PIK3C2A: variants seen among roughly 807,000 people sequenced by gnomAD.
PIK3C2A encodes the protein phosphatidylinositol-4-phosphate 3-kinase catalytic subunit type 2 alpha.
Under a neutral mutation model 204.5 loss-of-function variants are expected in PIK3C2A, and 97 were observed. That is an observed-to-expected ratio of 0.47 (90% CI 0.40 to 0.56). The LOEUF (loss-of-function observed/expected upper bound fraction) is 0.56, where lower values mean the gene tolerates loss of function less well. Ranked by LOEUF, PIK3C2A falls within the 20% of genes least tolerant of loss-of-function variation. The probability of loss-of-function intolerance (pLI) is 0.00; values close to 1 mark genes in which losing one functional copy is unlikely to be tolerated. For synonymous variants in PIK3C2A, 653 were observed against 664.4 expected, an observed-to-expected ratio of 0.98 and a Z score of 0.26; for missense variants, 1,735 against 1,969.2, an observed-to-expected ratio of 0.88 and a Z score of 2.25.
intron 8 of PIK3C2A, among the ~76,000 whole-genome samples, chr11:17,144,804 G>A (rs538434065): frequency 7.1e-6 from 1 of 140,938 alleles, no homozygotes; most frequent in African/African-American, 2.6e-5. Context: ...GCTGAGGCAG[G>A]AGAATCATTT....
At chr11:17,119,369 T>C (rs987508595) in intron 16 of PIK3C2A, 56 bp from the exon 17 acceptor site, 19 of 1,039,670 alleles carry the variant, frequency 1.8e-5, no homozygotes, top group Non-Finnish European at 2.9e-5. Context: ...AGTGAAGCTG[T>C]ATTTTTTGAA....
chr11:17,173,448 A>G (rs1197335411), intron 1 of PIK3C2A, among the ~76,000 whole-genome samples: 1 of 152,174 alleles, frequency 6.6e-6, no homozygotes, highest in East Asian at 1.9e-4. Context: ...ACTTGAGGAG[A>G]TAATGCCTAA....
chr11:17,154,268 G>A (rs766644661), intron 3 of PIK3C2A, among the ~76,000 whole-genome samples: 1 of 152,030 alleles, frequency 6.6e-6, no homozygotes, highest in Non-Finnish European at 1.5e-5. Flanking sequence ...GCCTGTCTGG[G>A]GAGAGTAACC....
chr11:17,198,996 G>A (rs936543204), intron 1 of PIK3C2A, among the ~76,000 whole-genome samples: 2 of 151,942 alleles, frequency 1.3e-5, no homozygotes, highest in Admixed American at 6.6e-5. Flanking sequence ...ACAGGCACCT[G>A]TAATCCCAGC....
intron 11 of PIK3C2A, among the ~76,000 whole-genome samples, chr11:17,133,936 AAAT>A (rs1208817722): frequency 1.3e-5 from 2 of 152,100 alleles, no homozygotes; most frequent in African/African-American, 2.4e-5. Flanking sequence ...TCAAAAAAAA[AAAT>A]AATAATAATG....
rs144948079 is a variant in PIK3C2A, at chr11:17,168,580, T to TAAAAAC, written c.1065+91_1065+96dup. On this transcript the variant is annotated intron_variant, in intron 2 of 32. Coordinates refer to ENST00000691414, the MANE Select transcript of PIK3C2A (RefSeq NM_002645.4). ...TGGGCGACAGAGCGAGACTCCTTCTTAAAAACAAAAACAAAAACAAAAAAA... is the reference window on the plus strand; with the variant it reads ...TGGGCGACAGAGCGAGACTCCTTCTTAAAAACAAAAACAAAAACAAAAACAAAAAAA... 3.8e-5 allele frequency: 36 copies of TAAAAAC among 948,764 alleles called. 1 individual carries two copies. The Middle Eastern group carries it at 1.1e-3, about 29-fold the overall frequency. The allele number at this position is 948,764 out of a possible 1,614,324, so 58.8% of individuals were successfully genotyped here. A position where few individuals can be genotyped will look rare whatever the true frequency, so the allele number is the denominator to read the frequency against.
intron 23 of PIK3C2A, among the ~76,000 whole-genome samples, chr11:17,104,491 T>C (rs6486349): frequency 0.94 from 143,644 of 152,104 alleles, 68,437 homozygotes; most frequent in Non-Finnish European, 0.98. Context: ...TTTGGGAGAC[T>C]GAAGCGGGCG....
At position 17,110,544 on chromosome 11, in the gene PIK3C2A, C is replaced by A. The variant is rs150475903; in HGVS notation, c.3432G>T (p.Arg1144=). 3.5e-5 allele frequency: 56 copies of A among 1,608,996 alleles called. No homozygotes were observed. The highest frequency in any genetic ancestry group is 3.3e-4 in the Middle Eastern group (2 of 6,074). ...NVMFKVGEDL[R]QDMLALQMIK... ...TCATCTGTAAAGCTAACATATCTTGCCGAAGATCTTCACCAACCTTGAAAT... is the reference window on the plus strand; with the variant it reads ...TCATCTGTAAAGCTAACATATCTTGACGAAGATCTTCACCAACCTTGAAAT... The change falls in exon 22 of 33, where the codon CGG becomes CGT. Residue 1144 remains arginine (R), a synonymous_variant. Coordinates refer to ENST00000691414, the MANE Select transcript of PIK3C2A (RefSeq NM_002645.4).
chr11:17,131,729 A>T (rs1385600353), intron 12 of PIK3C2A, among the ~76,000 whole-genome samples, 187 bp downstream of exon 12: 1 of 152,068 alleles, frequency 6.6e-6, no homozygotes, highest in Non-Finnish European at 1.5e-5. Context: ...TCGGTATTTA[A>T]TATTTTTTAA....
At chr11:17,097,010 A>G (rs748998559) in intron 27 of PIK3C2A, 47 bp downstream of exon 27, 1 of 1,125,694 alleles carries the variant, frequency 8.9e-7, no homozygotes, top group Non-Finnish European at 1.3e-6. Context: ...AGAAAGGACA[A>G]CAATAATACA....
At chr11:17,149,645 C>T (rs1234400682) in intron 4 of PIK3C2A, among the ~76,000 whole-genome samples, 1 of 151,782 alleles carries the variant, frequency 6.6e-6, no homozygotes, top group Admixed American at 6.6e-5. Flanking sequence ...ACTCTGTCAC[C>T]CTCACTGCAG....
intron 22 of PIK3C2A, among the ~76,000 whole-genome samples, chr11:17,109,358 CAACA>C (rs1389230810): frequency 6.6e-6 from 1 of 152,140 alleles, no homozygotes; most frequent in African/African-American, 2.4e-5. Context: ...AGATGGTAAA[CAACA>C]AACATTTGTT....
intron 3 of PIK3C2A, among the ~76,000 whole-genome samples, chr11:17,153,160 G>A (rs578257258): frequency 4.9e-4 from 75 of 152,232 alleles, no homozygotes; most frequent in African/African-American, 1.8e-3. Flanking sequence ...GACCGGGTGT[G>A]GTGGCTCACA....
In PIK3C2A at chr11:17,145,782, T is replaced by C. The variant is rs750357340; in HGVS notation, c.1641-51A>G. 5.8e-6 allele frequency: 9 copies of C among 1,554,462 alleles called. No individual in the cohort carries two copies. The East Asian group carries it at 9.0e-5, about 16-fold the overall frequency. Reference sequence around the variant, plus strand: ...CTGAAGGATGCTACACACAAAATGATTGTTTTCATCACCAAAATAAGTGTA... The same window carrying C: ...CTGAAGGATGCTACACACAAAATGACTGTTTTCATCACCAAAATAAGTGTA... On this transcript the variant is annotated intron_variant, in intron 7 of 32. Coordinates refer to ENST00000691414, the MANE Select transcript of PIK3C2A (RefSeq NM_002645.4).
chr11:17,156,451 A>G (rs1850596242), intron 2 of PIK3C2A, among the ~76,000 whole-genome samples: 1 of 152,222 alleles, frequency 6.6e-6, no homozygotes, highest in African/African-American at 2.4e-5. Flanking sequence ...CAGTCACTCA[A>G]CAATGGCTCA....
At chr11:17,184,529 T>C (rs1672626742) in intron 1 of PIK3C2A, among the ~76,000 whole-genome samples, 1 of 152,202 alleles carries the variant, frequency 6.6e-6, no homozygotes, top group Non-Finnish European at 1.5e-5. Flanking sequence ...AGTATTTTTG[T>C]ATAGCTGTAC....
rs970014843 is a variant in PIK3C2A at position 17,087,194 on chromosome 11, A to C, written c.*2544T>G. 6.6e-6 allele frequency: 1 copy of C among 152,198 alleles called. No homozygotes were observed. Among genetic ancestry groups the C allele is most frequent in the African/African-American group, 2.4e-5 (1 of 41,462 alleles). 9.4% of individuals were successfully genotyped at this position (152,198 alleles called of 1,614,324 possible). Reference sequence around the variant, plus strand: ...TGAGTATAAAATATTGTGATTATACATAAAAATTAGTGTCTTGGCCAGTTT... The same window carrying C: ...TGAGTATAAAATATTGTGATTATACCTAAAAATTAGTGTCTTGGCCAGTTT... On this transcript the variant is annotated 3_prime_UTR_variant, in exon 33 of 33. Transcript: ENST00000691414.
At chr11:17,205,621 C>T (rs1380788482) in intron 1 of PIK3C2A, among the ~76,000 whole-genome samples, 2 of 152,020 alleles carry the variant, frequency 1.3e-5, no homozygotes, top group African/African-American at 4.8e-5. Context: ...TATAAGTTCA[C>T]TTATTGAATG....
rs140038476 is a variant in PIK3C2A at position 17,203,615 on chromosome 11, T to C, written c.-66+4233A>G. On this transcript the variant is annotated intron_variant, in intron 1 of 32. Transcript: ENST00000691414. ...TAAATTACCAGTGATAATTTTCTCATTGGAGTCCCTTTTCCTTTTTCAAGC... is the reference window on the plus strand; with the variant it reads ...TAAATTACCAGTGATAATTTTCTCACTGGAGTCCCTTTTCCTTTTTCAAGC... Among the ~76,000 whole-genome samples, 78 of 152,290 alleles carry C rather than the reference T, an allele frequency of 5.1e-4. 1 individual carries two copies. The highest frequency in any genetic ancestry group is 1.7e-3 in the African/African-American group (71 of 41,564).
Sources: allele counts gnomAD v4.1 joint callset (sites outside exome capture counted in the v4.1 genomes callset), GRCh38; gene constraint gnomAD v4.1.1; transcripts MANE v1.5; gene names NCBI Gene and HGNC (gene_info 2026-07-23, HGNC 2026-07-21).